Variants in PPP1R12C observed in about 807,000 individuals in gnomAD.
PPP1R12C encodes protein phosphatase 1 regulatory subunit 12C.
PPP1R12C carries 48 observed loss-of-function variants against 95.6 expected under a neutral mutation model. That is an observed-to-expected ratio of 0.50 (90% confidence interval 0.40 to 0.64). The LOEUF (loss-of-function observed/expected upper bound fraction) is 0.64. Ranked by LOEUF, PPP1R12C falls within the 30% of genes least tolerant of loss-of-function variation. The probability of loss-of-function intolerance (pLI) is 0.00; values close to 1 mark genes in which losing one functional copy is unlikely to be tolerated. For missense variants in PPP1R12C, 1,057 were observed against 1,083.3 expected (o/e 0.98, Z 0.34); for synonymous variants, 480 against 460.8 (o/e 1.04, Z -0.53).
At chr19:55,103,677 T>G in intron 3 of PPP1R12C, 109 bp from the exon 4 acceptor site, 84 of 1,000,618 alleles carry the variant, frequency 8.4e-5, no homozygotes, top group Middle Eastern at 3.3e-4. Flanking sequence ...CCAGAGCTCT[T>G]CCCCCTGCTC....
At chr19:55,092,152 C>T (rs2084849861) in intron 19 of PPP1R12C, 70 bp downstream of exon 19, 3 of 1,390,918 alleles carry the variant, frequency 2.2e-6, no homozygotes, top group Admixed American at 2.1e-5. Flanking sequence ...CCAGGCTCTA[C>T]CTCCCAGCAG....
rs1200039222 is a variant in PPP1R12C, at chr19:55,117,488, C to T, written c.56G>A (p.Arg19Gln). 2.4e-5 allele frequency: 25 copies of T among 1,024,786 alleles called. No homozygotes were observed. Among genetic ancestry groups the T allele is most frequent in the Non-Finnish European group, 2.5e-5 (21 of 856,700 alleles). 63.5% of individuals were successfully genotyped at this position (1,024,786 alleles called of 1,614,324 possible). Residue 19 changes from arginine to glutamine, a missense_variant, in exon 1 of 22, where the codon CGG becomes CAG. Physicochemically the swap from Arg to Gln is conservative, Grantham distance 43. Coordinates refer to ENST00000263433, the MANE Select transcript of PPP1R12C (RefSeq NM_017607.4). ...AGPGAAAAAA[R>Q]ERRREQLRQW... Reference sequence around the variant, plus strand: ...CCGCAGCTGCTCCCGTCGCCGCTCCCGGGCAGCCGCCGCCGCCGCCCCCGG... The same window carrying T: ...CCGCAGCTGCTCCCGTCGCCGCTCCTGGGCAGCCGCCGCCGCCGCCCCCGG...
chr19:55,116,268 C>T lies in PPP1R12C; in HGVS notation c.321+955G>A, dbSNP rs1362210892. Among the ~76,000 whole-genome samples, 5 of 151,154 alleles carry T rather than the reference C, an allele frequency of 3.3e-5. No homozygotes were observed. The East Asian group carries it at 9.8e-4, about 29-fold the overall frequency. On this transcript the variant is annotated intron_variant, in intron 1 of 21. Transcript: ENST00000263433. ...CCCCAGAAGGAGAAGGAAAAGGGAA[C>T]CCAGCGAGTGAAGACGGCATGGGGT...
At chr19:55,110,633 G>A (rs1192026899) in intron 3 of PPP1R12C, among the ~76,000 whole-genome samples, 3 of 152,246 alleles carry the variant, frequency 2.0e-5, no homozygotes, top group East Asian at 1.9e-4. Context: ...AACACTTTGC[G>A]AGGCCGAGGC....
At position 55,105,232 on chromosome 19, in the gene PPP1R12C, T is replaced by C. The variant is rs141317233; in HGVS notation, c.572-1664A>G. 2.0e-5 allele frequency among the ~76,000 whole-genome samples: 3 copies of C among 152,284 alleles called. No homozygotes were observed. In the East Asian group the frequency reaches 5.8e-4, roughly 29 times the overall value. ...ACCACACCTGGCTGTGTCATTTCTT[T>C]AAAGGAGTCACCAACTGTTCAATCC... On this transcript the variant is annotated intron_variant, in intron 3 of 21. Coordinates refer to ENST00000263433, the MANE Select transcript of PPP1R12C (RefSeq NM_017607.4).
rs752751585 is a variant in PPP1R12C, at chr19:55,091,527, C to T, written c.2294G>A (p.Arg765His). 1.5e-5 allele frequency: 25 copies of T among 1,613,844 alleles called. No individual in the cohort carries two copies. Among genetic ancestry groups the T allele is most frequent in the East Asian group, 6.7e-5 (3 of 44,894 alleles). Residue 765 changes from arginine (R) to histidine (H), a missense_variant, in exon 22 of 22, where the codon CGC becomes CAC. Coordinates refer to ENST00000263433, the MANE Select transcript of PPP1R12C (RefSeq NM_017607.4). ...ALSDLRADNQRLKDENAALIR... is the reference protein window; with the variant it reads ...ALSDLRADNQHLKDENAALIR... Reference sequence around the variant, plus strand: ...CAACGCTGCATTCTCATCCTTGAGGCGCTGGTTGTCAGCGCGGAGGTCAGA... The same window carrying T: ...CAACGCTGCATTCTCATCCTTGAGGTGCTGGTTGTCAGCGCGGAGGTCAGA...
rs1001773123 is a variant in PPP1R12C, at chr19:55,109,850, C to T, written c.571+2617G>A. Among the ~76,000 whole-genome samples the T allele has an allele frequency of 3.9e-5, 6 of 152,036 alleles. No homozygotes were observed. The highest frequency in any genetic ancestry group is 1.5e-5 in the Non-Finnish European group (1 of 67,982). On this transcript the variant is annotated intron_variant, in intron 3 of 21. Coordinates refer to ENST00000263433, the MANE Select transcript of PPP1R12C (RefSeq NM_017607.4). This position sits in a 1 kb window ranked among gnomAD's most constrained non-coding sequence, Gnocchi z 4.4. ...CCCCTCTGAGGCTCCTGTGTGGAGC[C>T]GGGTGTCACAGGGTGTCACAGGCAG...
rs2085170217 is a variant in PPP1R12C at position 55,117,574 on chromosome 19, A to AGCGC, written c.-35_-32dup. 1 of 980,100 alleles carries AGCGC rather than the reference A, an allele frequency of 1.0e-6. No homozygotes were observed. The highest frequency in any genetic ancestry group is 1.2e-6 in the Non-Finnish European group (1 of 826,122). 60.7% of individuals were successfully genotyped at this position (980,100 alleles called of 1,614,324 possible). ...CGCCCGCCCGCCCAGCGAGCGAGCGAGCGCCGAGCCCCAACCGCCGCCACC... is the reference window on the plus strand; with the variant it reads ...CGCCCGCCCGCCCAGCGAGCGAGCGAGCGCGCGCCGAGCCCCAACCGCCGCCACC... On this transcript the variant is annotated 5_prime_UTR_variant, in exon 1 of 22. Coordinates refer to ENST00000263433, the MANE Select transcript of PPP1R12C (RefSeq NM_017607.4).
chr19:55,113,646 A>C, intron 1 of PPP1R12C: 1 of 1,233,170 alleles, frequency 8.1e-7, no homozygotes, highest in Non-Finnish European at 1.0e-6. Context: ...TCCACGGGAT[A>C]AATTACCCCC....
In PPP1R12C at chr19:55,098,933, C is replaced by G. The variant is rs1281371451; in HGVS notation, c.876+18G>C. 1 of 1,595,434 alleles carries G rather than the reference C, an allele frequency of 6.3e-7. No homozygotes were observed. The highest frequency in any genetic ancestry group is 8.5e-7 in the Non-Finnish European group (1 of 1,171,098). ...TCCCCACGCCCTGCCCCTCACCAGC[C>G]TGGGCACTGGCCCTCACCGCATGGG... is the stretch of plus-strand genomic sequence containing the variant. On this transcript the variant is annotated intron_variant, in intron 5 of 21. Transcript: ENST00000263433.
chr19:55,106,382 C>T (rs919164518), intron 3 of PPP1R12C, among the ~76,000 whole-genome samples: 3 of 152,208 alleles, frequency 2.0e-5, no homozygotes, highest in East Asian at 1.9e-4. Context: ...CTGGGGCCTT[C>T]GGCTATAATC....
Position 55,092,332 on chromosome 19 carries a change from G to A in PPP1R12C, c.2056-6C>T, listed in dbSNP as rs772709853. The A allele has an allele frequency of 1.5e-5, 24 of 1,590,476 alleles. No individual in the cohort carries two copies. The highest frequency in any genetic ancestry group is 1.9e-5 in the Non-Finnish European group (22 of 1,168,220). ...CTGCGCAGCTCTGCATACAGCTGGG[G>A]GTCAGGTAGAGGAGGGTCAGGTGGA... On this transcript the variant is annotated splice_region_variant and splice_polypyrimidine_tract_variant and intron_variant, in intron 18 of 21. Coordinates refer to ENST00000263433, the MANE Select transcript of PPP1R12C (RefSeq NM_017607.4).
chr19:55,105,941 T>TAA (rs879751133), intron 3 of PPP1R12C, among the ~76,000 whole-genome samples: 3 of 139,038 alleles, frequency 2.2e-5, no homozygotes, highest in African/African-American at 5.3e-5. Context: ...GATCCTGTCT[T>TAA]AAAAAAAAAA....
At position 55,103,535 on chromosome 19, in the gene PPP1R12C, T is replaced by C; in HGVS notation, c.605A>G (p.Glu202Gly). 6.3e-7 allele frequency: 1 copy of C among 1,596,946 alleles called. No individual in the cohort carries two copies. Among genetic ancestry groups the C allele is most frequent in the Non-Finnish European group, 8.6e-7 (1 of 1,168,118 alleles). Reference sequence around the variant, plus strand: ...CCTCGTGTCATGAAGGAGCAATTCCTCTTCTGCCCGCTTGGCTGCTTCCAC... The same window carrying C: ...CCTCGTGTCATGAAGGAGCAATTCCCCTTCTGCCCGCTTGGCTGCTTCCAC... ...VDVEAAKRAE[E>G]ELLLHDTRCW... The change falls in exon 4 of 22, where the codon GAG becomes GGG. Residue 202 changes from glutamate to glycine, a missense_variant. Around this residue, in one of 5 missense-constraint regions of PPP1R12C, gnomAD observed 282 missense variants for 380.4 expected, o/e 0.74. Transcript: ENST00000263433.
At chr19:55,113,514 TGGG>T in intron 1 of PPP1R12C, 2 of 1,395,400 alleles carry the variant, frequency 1.4e-6, no homozygotes, top group Non-Finnish European at 1.9e-6. Flanking sequence ...GTCCAAAACT[TGGG>T]GGGACAAAAG....
chr19:55,094,942 C>A, intron 11 of PPP1R12C, 144 bp from the exon 12 acceptor site: 1 of 984,566 alleles, frequency 1.0e-6, no homozygotes, highest in Non-Finnish European at 1.5e-6. Flanking sequence ...CCACAAAAGC[C>A]ATGAAAAGAC....
chr19:55,116,985 G>A (rs1341550466), intron 1 of PPP1R12C, among the ~76,000 whole-genome samples: 3 of 152,200 alleles, frequency 2.0e-5, no homozygotes, highest in Non-Finnish European at 2.9e-5. Context: ...GCCTGGGGCA[G>A]AGTGGTCAGC....
chr19:55,103,521 GA>G lies in PPP1R12C; in HGVS notation c.618del (p.His207MetfsTer7). On this transcript the variant is annotated frameshift_variant, in exon 4 of 22. Coordinates refer to ENST00000263433, the MANE Select transcript of PPP1R12C (RefSeq NM_017607.4). LOFTEE classifies it high-confidence loss of function. ...CCATTCAGCCAGCACCTCGTGTCATGAAGGAGCAATTCCTCTTCTGCCCGCT... is the reference window on the plus strand; with the variant it reads ...CCATTCAGCCAGCACCTCGTGTCATGAGGAGCAATTCCTCTTCTGCCCGCT... The part of the protein sequence containing the change: ...AAKRAEEELL[L>X]HDTRCWLNGG... 6.2e-7 allele frequency: 1 copy of G among 1,602,126 alleles called. No homozygotes were observed. Among genetic ancestry groups the G allele is most frequent in the Non-Finnish European group, 8.5e-7 (1 of 1,171,706 alleles).
In PPP1R12C at chr19:55,091,709, A is replaced by C; in HGVS notation, c.2212-9T>G. The stretch of plus-strand genomic sequence containing the variant: ...TCCAGGGCCCTGCGCTCCTGGAATG[A>C]ACAGGGAAAGTGCAGAAACTGAGTG... On this transcript the variant is annotated splice_polypyrimidine_tract_variant and intron_variant, in intron 20 of 21. Coordinates refer to ENST00000263433, the MANE Select transcript of PPP1R12C (RefSeq NM_017607.4). 6.2e-7 allele frequency: 1 copy of C among 1,612,890 alleles called. No individual in the cohort carries two copies. Among genetic ancestry groups the C allele is most frequent in the Non-Finnish European group, 8.5e-7 (1 of 1,179,672 alleles).
Sources: allele counts gnomAD v4.1 joint callset (sites outside exome capture counted in the v4.1 genomes callset), GRCh38; gene constraint gnomAD v4.1.1; regional missense constraint gnomAD v4.1.1; non-coding constraint Gnocchi (gnomAD v3.1); transcripts MANE v1.5; gene names NCBI Gene and HGNC (gene_info 2026-07-23, HGNC 2026-07-21).